The following TRPV1 variants were observed in gnomAD, a reference collection of about 807,000 sequenced individuals.
TRPV1 encodes transient receptor potential cation channel subfamily V member 1, also known as OTRPC1.
TRPV1 carries 82 observed loss-of-function variants against 82.3 expected under a neutral mutation model. The observed-to-expected ratio is 1.00, with a 90% CI of 0.83 to 1.20. The LOEUF is 1.20. TRPV1 is among the 50% of genes most tolerant of loss of function. TRPV1 has a pLI of 0.00. For synonymous variants in TRPV1, 515 were observed against 467.7 expected (o/e 1.10, Z -1.30); for missense variants, 1,067 against 1,096.8 (o/e 0.97, Z 0.38).
intron 8 of TRPV1, among the ~76,000 whole-genome samples, chr17:3,587,521 A>G (rs900742584): frequency 6.6e-6 from 1 of 152,160 alleles, no homozygotes; most frequent in African/African-American, 2.4e-5. Flanking sequence ...TCACACCTAC[A>G]CAAAAATAAG....
At chr17:3,582,189 CAA>C (rs71153376) in intron 10 of TRPV1, among the ~76,000 whole-genome samples, 17 of 25,912 alleles carry the variant, frequency 6.6e-4, no homozygotes, top group South Asian at 3.1e-3. Context: ...GACTCCATCT[CAA>C]AAAAAAAAAA....
intron 2 of TRPV1, among the ~76,000 whole-genome samples, chr17:3,606,426 C>T (rs1173869995): frequency 6.6e-6 from 1 of 152,188 alleles, no homozygotes; most frequent in Non-Finnish European, 1.5e-5. Context: ...TCACTGGCTC[C>T]TAAAGACCTC....
At position 3,572,103 on chromosome 17, in the gene TRPV1, G is replaced by T; in HGVS notation, c.2231+19C>A. 6.2e-7 allele frequency: 1 copy of T among 1,609,944 alleles called. No homozygotes were observed. The highest frequency in any genetic ancestry group is 8.5e-7 in the Non-Finnish European group (1 of 1,177,078). On this transcript the variant is annotated intron_variant, in intron 15 of 16. Coordinates refer to ENST00000572705, the MANE Select transcript of TRPV1 (RefSeq NM_080704.4). ...CCCAAAGCTCCCAAGCCCTGATTCAGGTGGAGCCTGGGCATTACCTGAAGC... is the reference window on the plus strand; with the variant it reads ...CCCAAAGCTCCCAAGCCCTGATTCATGTGGAGCCTGGGCATTACCTGAAGC...
At chr17:3,579,250 CA>C (rs879643396) in intron 11 of TRPV1, among the ~76,000 whole-genome samples, 27 of 146,688 alleles carry the variant, frequency 1.8e-4, no homozygotes, top group Middle Eastern at 7.1e-3. Context: ...TTTACTTGTC[CA>C]AAAAAAAAAA....
rs1438931940 is a variant in TRPV1 at position 3,572,239 on chromosome 17, G to T, written c.2114C>A (p.Thr705Asn). The T allele has an allele frequency of 1.2e-6, 2 of 1,609,094 alleles. No homozygotes were observed. The highest frequency in any genetic ancestry group is 1.3e-5 in the African/African-American group (1 of 74,872). Residue 705 changes from threonine to asparagine, a missense_variant, in exon 15 of 17, where the codon ACC becomes AAC. Coordinates refer to ENST00000572705, the MANE Select transcript of TRPV1 (RefSeq NM_080704.4). ...GAAGCTCTTCTCCGTGTCCAGGATG[G>T]TGATGGCTCTCTGCAGGAAGACACC... ...KNIWKLQRAI[T>N]ILDTEKSFLK...
intron 10 of TRPV1, among the ~76,000 whole-genome samples, chr17:3,582,052 T>A (rs544478147): frequency 2.1e-5 from 3 of 142,794 alleles, no homozygotes; most frequent in Non-Finnish European, 4.6e-5. Context: ...TAGCCGGGCG[T>A]GGTGGCGGGT....
chr17:3,594,141 A>C, intron 2 of TRPV1, among the ~76,000 whole-genome samples: 1 of 124,796 alleles, frequency 8.0e-6, no homozygotes, highest in East Asian at 2.0e-4. Context: ...AAAAAAAAAA[A>C]AAAAAAAAAA....
In TRPV1 at chr17:3,590,367, G is replaced by A. The variant is rs201373617; in HGVS notation, c.630C>T (p.Ile210=). The change falls in exon 6 of 17, where the codon ATC becomes ATT. Residue 210 remains isoleucine, a synonymous_variant. Coordinates refer to ENST00000572705, the MANE Select transcript of TRPV1 (RefSeq NM_080704.4). ...TCACCAGGGCCATGTTGCGTCTCTC[G>A]ATGGCGATGTGCAGTGCTGTCTGGC... ...YKGQTALHIA[I]ERRNMALVTL... 1.4e-5 allele frequency: 23 copies of A among 1,613,832 alleles called. No individual in the cohort carries two copies. Among genetic ancestry groups the A allele is most frequent in the African/African-American group, 1.1e-4 (8 of 74,928 alleles).
chr17:3,605,911 AC>A (rs2075293521), intron 2 of TRPV1, among the ~76,000 whole-genome samples: 1 of 151,324 alleles, frequency 6.6e-6, no homozygotes, highest in African/African-American at 2.4e-5. Flanking sequence ...TGTGGTGACA[AC>A]CCCCAAATCT....
At chr17:3,595,325 C>T (rs1018188) in intron 2 of TRPV1, among the ~76,000 whole-genome samples, 23,692 of 152,102 alleles carry the variant, frequency 0.16, 5,980 homozygotes, top group African/African-American at 0.53. Context: ...AGATGGAACC[C>T]GGACTTGACC....
Position 3,580,370 on chromosome 17 carries a change from C to A in TRPV1, c.1547+87G>T, listed in dbSNP as rs2074990547. On this transcript the variant is annotated intron_variant, in intron 11 of 16. Coordinates refer to ENST00000572705, the MANE Select transcript of TRPV1 (RefSeq NM_080704.4). Reference sequence around the variant, plus strand: ...ATGTTCACTGAGGTCCCACTATGTGCCAGGCCCGGCGTGAGTGAGACCTCA... The same window carrying A: ...ATGTTCACTGAGGTCCCACTATGTGACAGGCCCGGCGTGAGTGAGACCTCA... 1.0e-4 allele frequency: 145 copies of A among 1,392,284 alleles called. 7 individuals are homozygous for A. The South Asian group carries it at 1.7e-3, about 16-fold the overall frequency. The allele number at this position is 1,392,284 out of a possible 1,614,324, so 86.2% of individuals were successfully genotyped here.
In TRPV1 at chr17:3,590,500, G is replaced by A. The variant is rs548407928; in HGVS notation, c.605-108C>T. Reference sequence around the variant, plus strand: ...GGCAGCAGCTGCTGCAGGAGGAACTGGGCAGAAAGTGCCTGGAGGACCCCC... The same window carrying A: ...GGCAGCAGCTGCTGCAGGAGGAACTAGGCAGAAAGTGCCTGGAGGACCCCC... On this transcript the variant is annotated intron_variant, in intron 5 of 16. Transcript: ENST00000572705. The A allele has an allele frequency of 2.3e-5, 34 of 1,487,220 alleles. No individual in the cohort carries two copies. The East Asian group carries it at 6.2e-4, about 27-fold the overall frequency. The allele number at this position is 1,487,220 out of a possible 1,614,324, so 92.1% of individuals were successfully genotyped here.
At chr17:3,583,043 C>G (rs1441699619) in intron 10 of TRPV1, among the ~76,000 whole-genome samples, 3 of 152,058 alleles carry the variant, frequency 2.0e-5, no homozygotes, top group Non-Finnish European at 4.4e-5. Flanking sequence ...CAGTCATGAT[C>G]CTATCACTTA....
intron 9 of TRPV1, 100 bp from the exon 10 acceptor site, chr17:3,583,530 A>T: frequency 2.9e-5 from 28 of 959,056 alleles, no homozygotes; most frequent in Non-Finnish European, 4.3e-5. Flanking sequence ...CAGGAGGCAC[A>T]GCCTCCATCA....
At position 3,592,051 on chromosome 17, in the gene TRPV1, CCA is replaced by C. The variant is rs2075165085; in HGVS notation, c.284+14_284+15del. On this transcript the variant is annotated intron_variant, in intron 3 of 16. Transcript: ENST00000572705. Reference sequence around the variant, plus strand: ...TGGGCTCCCAGCAGGGAGGGGGGCTCCAGACGCGGACTTACCTGGCACCGGTG... The same window carrying C: ...TGGGCTCCCAGCAGGGAGGGGGGCTCGACGCGGACTTACCTGGCACCGGTG... 12 of 1,604,432 alleles carry C rather than the reference CCA, an allele frequency of 7.5e-6. No individual in the cohort carries two copies. Among genetic ancestry groups the C allele is most frequent in the Non-Finnish European group, 1.0e-5 (12 of 1,174,240 alleles).
chr17:3,573,576 G>C (rs550483484), intron 14 of TRPV1, 57 bp downstream of exon 14: 2 of 891,200 alleles, frequency 2.2e-6, no homozygotes, highest in Non-Finnish European at 2.9e-6. Context: ...TAAGACAGCA[G>C]ACAGAGCCGC....
chr17:3,591,476 A>G, intron 3 of TRPV1, 123 bp from the exon 4 acceptor site: 1 of 1,151,834 alleles, frequency 8.7e-7, no homozygotes. Context: ...AAATGATATA[A>G]AAGCTGCCCC....
At chr17:3,584,424 A>AAAAG in intron 9 of TRPV1, among the ~76,000 whole-genome samples, 1 of 147,972 alleles carries the variant, frequency 6.8e-6, no homozygotes, top group Non-Finnish European at 1.5e-5. Flanking sequence ...AAATAAAATA[A>AAAAG]AAAAAAAAGG....
intron 14 of TRPV1, among the ~76,000 whole-genome samples, chr17:3,573,094 C>T (rs2074880124): frequency 1.3e-5 from 2 of 151,636 alleles, no homozygotes; most frequent in African/African-American, 4.9e-5. Flanking sequence ...CAGTCCCTAT[C>T]ACAGAGAAAG....
Sources: gnomAD v4.1 joint callset for allele counts (sites outside exome capture counted in the v4.1 genomes callset) on GRCh38, gnomAD v4.1.1 for gene constraint, MANE v1.5 for transcripts, NCBI Gene and HGNC (gene_info 2026-07-23, HGNC 2026-07-21) for gene names.